The following TRIM5 variants were observed in gnomAD, a reference collection of about 807,000 sequenced individuals.
TRIM5 encodes tripartite motif-containing protein 5.
TRIM5 carries 31 observed loss-of-function variants against 35.6 expected under a neutral mutation model. The ratio of observed to expected loss-of-function variants is 0.87; its 90% confidence interval spans 0.65 to 1.18. The LOEUF is 1.18. Ranked by LOEUF, TRIM5 falls within the 50% of genes most tolerant of loss-of-function variation. The pLI, the probability that TRIM5 is intolerant of heterozygous loss-of-function variation, is 0.00. For synonymous variants in TRIM5, 243 were observed against 215.6 expected, an observed-to-expected ratio of 1.13 and a Z score of -1.11; for missense variants, 609 against 591.6, an observed-to-expected ratio of 1.03 and a Z score of -0.31.
At chr11:5,630,414 C>CAAGG in the TRIM5 span, among the ~76,000 whole-genome samples, 1 of 152,118 alleles carries the variant, frequency 6.6e-6, no homozygotes, top group Non-Finnish European at 1.5e-5. Context: ...GCCCCCACCT[C>CAAGG]CTATTCATTG....
the TRIM5 span, chr11:5,644,475 A>G: frequency 5.2e-6 from 2 of 384,220 alleles, no homozygotes; most frequent in Non-Finnish European, 9.2e-6. Flanking sequence ...CTGAAGTCTC[A>G]TTTTTCAAGT....
the TRIM5 span, among the ~76,000 whole-genome samples, chr11:5,637,924 C>T: frequency 3.3e-5 from 5 of 152,152 alleles, no homozygotes; most frequent in Admixed American, 3.3e-4. Context: ...ATTTTTGTTT[C>T]GTCAATATCC....
the TRIM5 span, chr11:5,604,603 A>G: frequency 6.2e-7 from 1 of 1,613,238 alleles, no homozygotes; most frequent in East Asian, 2.2e-5. Flanking sequence ...AACAGCTTTT[A>G]TCAGAGAGAA....
At chr11:5,656,184 C>T in the TRIM5 span, among the ~76,000 whole-genome samples, 1 of 152,088 alleles carries the variant, frequency 6.6e-6, no homozygotes, top group East Asian at 1.9e-4. Context: ...CGTTTCTGCA[C>T]AGCAAAAGAA....
chr11:5,634,953 T>C, the TRIM5 span: 2 of 1,416,116 alleles, frequency 1.4e-6, no homozygotes, highest in Non-Finnish European at 1.9e-6. Context: ...AAGGGGTTTC[T>C]TTGGCCTTGC....
At chr11:5,643,990 C>A in the TRIM5 span, 3 of 506,870 alleles carry the variant, frequency 5.9e-6, no homozygotes, top group Admixed American at 7.5e-5. Context: ...CACTTTATCA[C>A]TGATATGAAG....
At chr11:5,642,034 C>G in the TRIM5 span, among the ~76,000 whole-genome samples, 2 of 152,154 alleles carry the variant, frequency 1.3e-5, no homozygotes, top group Non-Finnish European at 2.9e-5. Context: ...AGAAGGCCCA[C>G]TGAGATGCAG....
the TRIM5 span, among the ~76,000 whole-genome samples, chr11:5,651,825 A>G: frequency 6.6e-6 from 1 of 152,076 alleles, no homozygotes; most frequent in African/African-American, 2.4e-5. Context: ...TTACTTTTTA[A>G]TAATAGCCAT....
At chr11:5,657,566 T>TA in the TRIM5 span, among the ~76,000 whole-genome samples, 3 of 100,910 alleles carry the variant, frequency 3.0e-5, no homozygotes, top group African/African-American at 1.3e-4. Flanking sequence ...TTTATATATA[T>TA]TATTTATATA....
At chr11:5,613,877 C>CTT in the TRIM5 span, among the ~76,000 whole-genome samples, 1 of 141,868 alleles carries the variant, frequency 7.0e-6, no homozygotes, top group African/African-American at 2.6e-5. Flanking sequence ...GGGAGAGGGA[C>CTT]TTTCTTAACA....
chr11:5,658,728 A>G (rs1451776072), downstream of TRIM5, among the ~76,000 whole-genome samples: 2 of 152,190 alleles, frequency 1.3e-5, no homozygotes, highest in African/African-American at 4.8e-5. Context: ...ATGTGTCTTT[A>G]TAGCAGCATG....
At chr11:5,614,360 A>AACTT in the TRIM5 span, among the ~76,000 whole-genome samples, 1 of 152,200 alleles carries the variant, frequency 6.6e-6, no homozygotes. Flanking sequence ...AGGTGAAGAA[A>AACTT]ACTTAGGGGA....
At chr11:5,610,433 C>G in the TRIM5 span, 1 of 1,603,640 alleles carries the variant, frequency 6.2e-7, no homozygotes, top group Non-Finnish European at 8.5e-7. Context: ...GTGACATCCT[C>G]ACAGGATTCC....
the TRIM5 span, among the ~76,000 whole-genome samples, chr11:5,600,301 T>C: frequency 6.6e-6 from 1 of 152,236 alleles, no homozygotes; most frequent in South Asian, 2.1e-4. Context: ...TGTTGTTATG[T>C]GGAATTATTG....
the TRIM5 span, among the ~76,000 whole-genome samples, chr11:5,623,311 G>GCTATTATA: frequency 1.3e-5 from 2 of 151,464 alleles, no homozygotes. Context: ...GTATTAGGTT[G>GCTATTATA]GTACAAAAGT....
the TRIM5 span, among the ~76,000 whole-genome samples, chr11:5,656,094 G>A: frequency 6.6e-6 from 1 of 152,160 alleles, no homozygotes; most frequent in African/African-American, 2.4e-5. Flanking sequence ...ATAGGCATGG[G>A]CAAAGACTTC....
intron 1 of TRIM5, among the ~76,000 whole-genome samples, chr11:5,683,167 A>G (rs7122886): frequency 0.53 from 80,780 of 151,990 alleles, 21,471 homozygotes; most frequent in African/African-American, 0.53. Flanking sequence ...CCTGCAGCCC[A>G]CCATGCCTGA....
chr11:5,658,040 C>G, the TRIM5 span, among the ~76,000 whole-genome samples: 1 of 152,152 alleles, frequency 6.6e-6, no homozygotes, highest in African/African-American at 2.4e-5. Context: ...AGCCTCCACT[C>G]CTGGGGCCTG....
the TRIM5 span, among the ~76,000 whole-genome samples, chr11:5,655,953 G>A: frequency 1.3e-5 from 2 of 152,154 alleles, no homozygotes; most frequent in African/African-American, 2.4e-5. Context: ...CTAGCCATAT[G>A]CAGAAAACTG....
Sources: allele counts gnomAD v4.1 joint callset (sites outside exome capture counted in the v4.1 genomes callset), GRCh38; gene constraint gnomAD v4.1.1; transcripts MANE v1.5; gene names NCBI Gene and HGNC (gene_info 2026-07-23, HGNC 2026-07-21).